APBA2: variants seen among roughly 807,000 people sequenced by gnomAD.
APBA2 encodes the protein amyloid beta precursor protein binding family A member 2.
In APBA2, 30 loss-of-function variants were observed where a neutral mutation model predicts 75.0. That is an observed-to-expected ratio of 0.40 (90% CI 0.30 to 0.54). The LOEUF (loss-of-function observed/expected upper bound fraction) is 0.54, where lower values mean the gene tolerates loss of function less well. Among genes scored for constraint, APBA2 ranks in the 20% least tolerant of loss-of-function variants. The probability of loss-of-function intolerance (pLI) is 0.49; values close to 1 mark genes in which losing one functional copy is unlikely to be tolerated. For synonymous variants in APBA2, 444 were observed against 409.6 expected (o/e 1.08, Z -1.01); for missense variants, 801 against 1,016.1 (o/e 0.79, Z 2.88).
intron 2 of APBA2, among the ~76,000 whole-genome samples, chr15:28,928,313 TGTGA>T (rs1240651176): frequency 6.6e-6 from 1 of 152,122 alleles, no homozygotes; most frequent in Non-Finnish European, 1.5e-5. Flanking sequence ...TTGTTGTAGC[TGTGA>T]GTGCCGGCGT....
chr15:29,012,429 A>G (rs1317816277), intron 3 of APBA2, among the ~76,000 whole-genome samples: 1 of 152,212 alleles, frequency 6.6e-6, no homozygotes, highest in Non-Finnish European at 1.5e-5. Context: ...AAAAAGTGCC[A>G]TTCTTATCCT....
chr15:28,908,314 T>C (rs1490355790), intron 1 of APBA2, among the ~76,000 whole-genome samples: 3 of 148,952 alleles, frequency 2.0e-5, no homozygotes, highest in South Asian at 2.1e-4. Context: ...TTTGTTTTCT[T>C]GTTTTTTTTT....
intron 3 of APBA2, among the ~76,000 whole-genome samples, chr15:29,029,508 A>G (rs1193799976): frequency 6.6e-6 from 1 of 152,176 alleles, no homozygotes; most frequent in Non-Finnish European, 1.5e-5. Context: ...CAGGCATGTC[A>G]TATTTTGTTT....
At chr15:28,935,236 G>T (rs1337799530) in intron 2 of APBA2, among the ~76,000 whole-genome samples, 2 of 152,210 alleles carry the variant, frequency 1.3e-5, no homozygotes, top group African/African-American at 4.8e-5. Flanking sequence ...GGACCCTTGG[G>T]GCCCCTTCCA....
chr15:29,020,436 G>T (rs948560818), intron 3 of APBA2, among the ~76,000 whole-genome samples: 5 of 151,880 alleles, frequency 3.3e-5, no homozygotes, highest in African/African-American at 1.2e-4. Flanking sequence ...TAAAAAACCA[G>T]TCTGTTGAGG....
intron 1 of APBA2, among the ~76,000 whole-genome samples, chr15:28,911,740 A>G (rs1449035788): frequency 6.6e-6 from 1 of 152,178 alleles, no homozygotes; most frequent in Non-Finnish European, 1.5e-5. Context: ...GGCTGTGCTG[A>G]GCCCATCTGG....
intron 3 of APBA2, among the ~76,000 whole-genome samples, chr15:29,044,601 A>AC (rs1030213544): frequency 6.6e-6 from 1 of 151,214 alleles, no homozygotes; most frequent in Admixed American, 6.6e-5. Context: ...TCCTGGCCAC[A>AC]CCCCCCCTGG....
At chr15:29,107,574 T>C (rs1382627674) in intron 12 of APBA2, among the ~76,000 whole-genome samples, 1 of 152,102 alleles carries the variant, frequency 6.6e-6, no homozygotes, top group Non-Finnish European at 1.5e-5. Flanking sequence ...ATAGACTGGC[T>C]CTCGGAGCTG....
At chr15:28,896,645 G>A (rs1349280973) in intron 1 of APBA2, among the ~76,000 whole-genome samples, 5 of 152,122 alleles carry the variant, frequency 3.3e-5, no homozygotes, top group South Asian at 2.1e-4. Flanking sequence ...TTCACAGCAG[G>A]GATCACTGCC....
In APBA2 at chr15:29,040,157, C is replaced by A. The variant is rs189029019; in HGVS notation, c.-40-13688C>A. ...CCCTGCCAGACCCAGAGCAGTAGCA[C>A]CTACTACCCTGAGAGAAAATCCAAC... is the stretch of plus-strand genomic sequence containing the variant. On this transcript the variant is annotated intron_variant, in intron 3 of 14. Transcript: ENST00000683413. Among the ~76,000 whole-genome samples the A allele has an allele frequency of 2.6e-5, 4 of 152,328 alleles. No individual in the cohort carries two copies. In the East Asian group the frequency reaches 7.7e-4, roughly 29 times the overall value.
At chr15:29,035,852 G>A (rs1483293398) in intron 3 of APBA2, among the ~76,000 whole-genome samples, 1 of 152,202 alleles carries the variant, frequency 6.6e-6, no homozygotes, top group Non-Finnish European at 1.5e-5. Flanking sequence ...GGAAGGAACT[G>A]TTGGGATGCA....
chr15:28,944,969 C>A (rs955338066), intron 2 of APBA2, among the ~76,000 whole-genome samples: 1 of 152,178 alleles, frequency 6.6e-6, no homozygotes, highest in Non-Finnish European at 1.5e-5. Context: ...GCCTTGCCCC[C>A]GCTTTGCCTA....
At chr15:28,957,700 G>T (rs1264754978) in intron 2 of APBA2, among the ~76,000 whole-genome samples, 1 of 152,208 alleles carries the variant, frequency 6.6e-6, no homozygotes, top group East Asian at 1.9e-4. Context: ...GTGAGCAGGG[G>T]CTCTGTGGTG....
intron 1 of APBA2, among the ~76,000 whole-genome samples, chr15:28,902,967 C>G (rs555659196): frequency 6.6e-6 from 1 of 152,294 alleles, no homozygotes; most frequent in East Asian, 1.9e-4. Flanking sequence ...TGACCGGTTT[C>G]TCAGATGCAG....
chr15:29,063,205 A>C (rs60556841), intron 4 of APBA2, among the ~76,000 whole-genome samples: 36 of 49,294 alleles, frequency 7.3e-4, no homozygotes, highest in Non-Finnish European at 8.0e-4. Flanking sequence ...ATGGGTGGGG[A>C]GGGGAGTTGA....
chr15:29,036,266 T>C lies in APBA2; in HGVS notation c.-40-17579T>C, dbSNP rs543235215. Among the ~76,000 whole-genome samples, 64 of 152,254 alleles carry C rather than the reference T, an allele frequency of 4.2e-4. 1 individual carries two copies. Among genetic ancestry groups the C allele is most frequent in the African/African-American group, 1.5e-3 (62 of 41,556 alleles). ...TTAAAAAACTATTTTTTTTAACATA[T>C]CTACAGACTCTCCCCTTACCAGGTA... On this transcript the variant is annotated intron_variant, in intron 3 of 14. Transcript: ENST00000683413.
chr15:29,105,516 C>G lies in APBA2; in HGVS notation c.1662C>G (p.Asn554Lys). Residue 554 changes from asparagine to lysine, a missense_variant, in exon 11 of 15, where the codon AAC (asparagine) becomes AAG (lysine). Coordinates refer to ENST00000683413, the MANE Select transcript of APBA2 (RefSeq NM_001353788.2). Reference sequence around the variant, plus strand: ...TCATCAACACCCAGGAGATGTACAACGACGACCTCATCCACTTCTCAAACT... The same window carrying G: ...TCATCAACACCCAGGAGATGTACAAGGACGACCTCATCCACTTCTCAAACT... ...SDIINTQEMY[N>K]DDLIHFSNSE... The G allele has an allele frequency of 6.2e-7, 1 of 1,613,784 alleles. No homozygotes were observed. The highest frequency in any genetic ancestry group is 8.5e-7 in the Non-Finnish European group (1 of 1,180,026).
intron 2 of APBA2, among the ~76,000 whole-genome samples, chr15:28,938,501 C>T (rs531847527): frequency 2.9e-4 from 44 of 151,970 alleles, no homozygotes; most frequent in Admixed American, 4.6e-4. Flanking sequence ...TATGGGGGTA[C>T]GTGTGATATT....
chr15:29,107,674 G>GC (rs775893220), intron 12 of APBA2, among the ~76,000 whole-genome samples: 5 of 152,146 alleles, frequency 3.3e-5, no homozygotes, highest in East Asian at 1.9e-4. Flanking sequence ...AGCAGTTGAG[G>GC]CCCCCCCTCC....
Sources: gnomAD v4.1 joint callset for allele counts (sites outside exome capture counted in the v4.1 genomes callset) on GRCh38, gnomAD v4.1.1 for gene constraint, MANE v1.5 for transcripts, NCBI Gene and HGNC (gene_info 2026-07-23, HGNC 2026-07-21) for gene names.